Variants in BACH2 observed in about 807,000 individuals in gnomAD.
BACH2 encodes BACH transcriptional regulator 2.
Under a neutral mutation model 61.8 loss-of-function variants are expected in BACH2, and 5 were observed. That is an observed-to-expected ratio of 0.08 (90% CI 0.04 to 0.17). The LOEUF (loss-of-function observed/expected upper bound fraction) is 0.17. Among genes scored for constraint, BACH2 ranks in the 10% least tolerant of loss-of-function variants. The probability of loss-of-function intolerance (pLI) is 1.00; values close to 1 mark genes in which losing one functional copy is unlikely to be tolerated. For missense variants in BACH2, 824 were observed against 1,091.1 expected (o/e 0.76, Z 3.45); for synonymous variants, 446 against 440.1 (o/e 1.01, Z -0.17).
At position 89,951,132 on chromosome 6, in the gene BACH2, C is replaced by G. The variant is rs746198587; in HGVS notation, c.974G>C (p.Gly325Ala). The G allele has an allele frequency of 6.2e-7, 1 of 1,610,632 alleles. No homozygotes were observed. The change falls in exon 7 of 9, where the codon GGG becomes GCG. Residue 325 changes from glycine to alanine, a missense_variant. Gly to Ala is a moderately conservative substitution (Grantham distance 60). Around this residue, in one of 8 missense-constraint regions of BACH2, gnomAD observed 226 missense variants for 228.5 expected, o/e 0.99. Coordinates refer to ENST00000257749, the MANE Select transcript of BACH2 (RefSeq NM_021813.4). The surrounding 1 kb of genome is among the most constrained non-coding windows in gnomAD (Gnocchi z 6.4). ...SPAPTPTAPA[G>A]AACLERSRSV... Reference sequence around the variant, plus strand: ...CCTGGATCTCTCCAGGCAGGCGGCCCCAGCTGGGGCCGTGGGGGTAGGGGC... The same window carrying G: ...CCTGGATCTCTCCAGGCAGGCGGCCGCAGCTGGGGCCGTGGGGGTAGGGGC...
chr6:90,268,997 G>T (rs1771433615), intron 2 of BACH2, among the ~76,000 whole-genome samples: 1 of 152,260 alleles, frequency 6.6e-6, no homozygotes, highest in South Asian at 2.1e-4. Flanking sequence ...TAAGAGACCT[G>T]GAGAATAAAT....
intron 6 of BACH2, among the ~76,000 whole-genome samples, chr6:89,989,459 G>A (rs1363747395): frequency 6.6e-6 from 1 of 152,140 alleles, no homozygotes; most frequent in African/African-American, 2.4e-5. Context: ...ACCCAGGGAG[G>A]TGGGAAGGGA....
chr6:90,061,816 G>T (rs1047295121), intron 5 of BACH2, among the ~76,000 whole-genome samples: 1 of 152,328 alleles, frequency 6.6e-6, no homozygotes, highest in South Asian at 2.1e-4. Flanking sequence ...GGAAGATGCG[G>T]CAACAAGGTG....
At chr6:90,146,819 C>G (rs774217593) in intron 4 of BACH2, among the ~76,000 whole-genome samples, 1 of 152,126 alleles carries the variant, frequency 6.6e-6, no homozygotes, top group Non-Finnish European at 1.5e-5. Context: ...TGGGAGTAAA[C>G]TATAAGAAAT....
chr6:89,947,060 T>C lies in BACH2; in HGVS notation c.1836+3210A>G, dbSNP rs1016317122. Reference sequence around the variant, plus strand: ...TCCCTACGGGGTGGAGGAAGACAGATTGGGAAAACACACGCGAAGTATTAC... The same window carrying C: ...TCCCTACGGGGTGGAGGAAGACAGACTGGGAAAACACACGCGAAGTATTAC... On this transcript the variant is annotated intron_variant, in intron 7 of 8. Transcript: ENST00000257749. Among the ~76,000 whole-genome samples the C allele has an allele frequency of 7.2e-5, 11 of 152,240 alleles. No individual in the cohort carries two copies. The South Asian group carries it at 1.7e-3, about 23-fold the overall frequency.
At chr6:90,068,179 T>C (rs1781052975) in intron 5 of BACH2, among the ~76,000 whole-genome samples, 1 of 152,198 alleles carries the variant, frequency 6.6e-6, no homozygotes. Flanking sequence ...AAACATCCCA[T>C]TATGGAATTA....
intron 4 of BACH2, among the ~76,000 whole-genome samples, chr6:90,148,920 G>C (rs572927199): frequency 2.0e-5 from 3 of 152,300 alleles, no homozygotes. Flanking sequence ...ACCAGGGCTG[G>C]AAGGGCCTTG....
chr6:90,108,427 A>G (rs1783019632), intron 4 of BACH2, among the ~76,000 whole-genome samples: 1 of 152,156 alleles, frequency 6.6e-6, no homozygotes, highest in Non-Finnish European at 1.5e-5. Flanking sequence ...TCCTCTTCCA[A>G]TTGACATAAT....
chr6:90,091,957 C>T (rs1231715397), intron 4 of BACH2, among the ~76,000 whole-genome samples: 1 of 151,910 alleles, frequency 6.6e-6, no homozygotes, highest in Non-Finnish European at 1.5e-5. Flanking sequence ...TTTTCTTTGC[C>T]ACATTCAGGT....
At chr6:90,047,024 G>A (rs1309122644) in intron 5 of BACH2, among the ~76,000 whole-genome samples, 7 of 151,986 alleles carry the variant, frequency 4.6e-5, no homozygotes, top group Admixed American at 6.6e-5. Context: ...CTCTGCCTCC[G>A]GGTTCAAGCG....
At chr6:90,238,149 G>A (rs531765247) in intron 3 of BACH2, among the ~76,000 whole-genome samples, 4 of 152,282 alleles carry the variant, frequency 2.6e-5, no homozygotes, top group Non-Finnish European at 5.9e-5. Flanking sequence ...TACTCTATAC[G>A]AAGCTAAAGA....
chr6:90,102,584 T>C (rs576732520), intron 4 of BACH2, among the ~76,000 whole-genome samples: 68 of 150,864 alleles, frequency 4.5e-4, no homozygotes, highest in Non-Finnish European at 7.2e-4. Flanking sequence ...AGGTCAGGAG[T>C]TCAAGACCAG....
At chr6:90,080,953 A>T (rs1013924471) in intron 5 of BACH2, among the ~76,000 whole-genome samples, 1 of 152,164 alleles carries the variant, frequency 6.6e-6, no homozygotes, top group Non-Finnish European at 1.5e-5. Flanking sequence ...AACACAGGCA[A>T]TTAAGTATTA....
intron 3 of BACH2, among the ~76,000 whole-genome samples, chr6:90,223,078 C>CTTAAGGGGA (rs1208946988): frequency 6.6e-6 from 1 of 152,226 alleles, no homozygotes; most frequent in Non-Finnish European, 1.5e-5. Flanking sequence ...CTTCCTTGTC[C>CTTAAGGGGA]AGTGTGCTCT....
intron 4 of BACH2, among the ~76,000 whole-genome samples, chr6:90,106,269 G>A (rs1054955975): frequency 3.3e-5 from 5 of 152,192 alleles, no homozygotes; most frequent in African/African-American, 1.2e-4. Flanking sequence ...GATGGTTAAT[G>A]AAAAGCAAAC....
chr6:90,162,771 G>A (rs967447995), intron 4 of BACH2, among the ~76,000 whole-genome samples: 1 of 152,166 alleles, frequency 6.6e-6, no homozygotes, highest in Admixed American at 6.5e-5. Flanking sequence ...AAATCCAGGG[G>A]TGAAGGAACT....
chr6:90,286,308 A>T (rs766417219), intron 1 of BACH2, among the ~76,000 whole-genome samples: 6 of 152,230 alleles, frequency 3.9e-5, no homozygotes, highest in African/African-American at 7.2e-5. Flanking sequence ...TAATGTGGGA[A>T]ATTTAAAACC....
chr6:90,267,606 G>A (rs142371189), intron 2 of BACH2, among the ~76,000 whole-genome samples: 19 of 152,240 alleles, frequency 1.2e-4, no homozygotes, highest in African/African-American at 4.1e-4. Flanking sequence ...AGTGTTGTTA[G>A]GAATGGTAAA....
Position 89,951,497 on chromosome 6 carries a change from T to C in BACH2, c.609A>G (p.Glu203=), listed in dbSNP as rs1473222689. The C allele has an allele frequency of 3.1e-6, 5 of 1,614,146 alleles. No homozygotes were observed. Among genetic ancestry groups the C allele is most frequent in the Non-Finnish European group, 4.2e-6 (5 of 1,180,046 alleles). The change falls in exon 7 of 9, where the codon GAA becomes GAG. Residue 203 remains glutamate, a synonymous_variant. Transcript: ENST00000257749. This position sits in a 1 kb window ranked among gnomAD's most constrained non-coding sequence, Gnocchi z 6.4. ...EAAAIPVAEK[E]EALLPEPDVP... The stretch of plus-strand genomic sequence containing the variant: ...CGTCAGGCTCGGGCAGCAGGGCTTC[T>C]TCCTTCTCTGCTACGGGGATGGCGG...
Sources: allele counts gnomAD v4.1 joint callset (sites outside exome capture counted in the v4.1 genomes callset), GRCh38; gene constraint gnomAD v4.1.1; regional missense constraint gnomAD v4.1.1; non-coding constraint Gnocchi (gnomAD v3.1); transcripts MANE v1.5; gene names NCBI Gene and HGNC (gene_info 2026-07-23, HGNC 2026-07-21).